The following SVIL variants were observed in gnomAD, a reference collection of about 807,000 sequenced individuals.
SVIL encodes the protein archvillin.
A neutral mutation model predicts 240.4 loss-of-function variants in SVIL; 101 were observed. The observed-to-expected ratio is 0.42, with a 90% confidence interval of 0.36 to 0.50. The LOEUF is 0.50. Among genes scored for constraint, SVIL ranks in the 20% least tolerant of loss-of-function variants. The pLI, the probability that SVIL is intolerant of heterozygous loss-of-function variation, is 0.01. For missense variants in SVIL, 2,512 were observed against 2,818.7 expected (o/e 0.89, Z 2.46); for synonymous variants, 999 against 1,100.0 (o/e 0.91, Z 1.82).
intron 1 of SVIL, among the ~76,000 whole-genome samples, chr10:29,624,521 G>A (rs1957791659): frequency 6.6e-6 from 1 of 152,180 alleles, no homozygotes; most frequent in African/African-American, 2.4e-5. Flanking sequence ...GACAGAGTGA[G>A]ACTTCGTCTC....
In SVIL at chr10:29,532,983, C is replaced by T. The variant is rs1314119441; in HGVS notation, c.1384G>A (p.Asp462Asn). Reference sequence around the variant, plus strand: ...TCTTCTGGGCTTCTCACTAGCCCATCACCCTCCAAAGCCAGTAGGGTTTTC... The same window carrying T: ...TCTTCTGGGCTTCTCACTAGCCCATTACCCTCCAAAGCCAGTAGGGTTTTC... Reference protein sequence around the residue: ...SKKTLLALEGDGLVRSPEDPS... With the variant: ...SKKTLLALEGNGLVRSPEDPS... Residue 462 changes from aspartate (D) to asparagine (N), a missense_variant, in exon 8 of 38, where the codon GAT becomes AAT. By Grantham distance (23) the Asp-to-Asn change is conservative. Transcript: ENST00000355867. 3.7e-6 allele frequency: 6 copies of T among 1,614,180 alleles called. No homozygotes were observed. In the South Asian group the frequency reaches 6.6e-5, roughly 18 times the overall value.
chr10:29,520,556 A>G (rs752069474), intron 16 of SVIL, among the ~76,000 whole-genome samples: 8 of 152,238 alleles, frequency 5.3e-5, no homozygotes, highest in Non-Finnish European at 8.8e-5. Flanking sequence ...TTAATTTGTC[A>G]GTTGAAAAAG....
intron 24 of SVIL, 111 bp downstream of exon 24, chr10:29,487,052 T>C: frequency 7.3e-7 from 1 of 1,371,308 alleles, no homozygotes; most frequent in Non-Finnish European, 9.8e-7. Flanking sequence ...CCTTCTCACT[T>C]GAATGCAACA....
intron 1 of SVIL, among the ~76,000 whole-genome samples, chr10:29,593,431 T>A (rs896955478): frequency 6.6e-6 from 1 of 152,140 alleles, no homozygotes; most frequent in African/African-American, 2.4e-5. Flanking sequence ...CATCTGCCCA[T>A]CAGGAAGATT....
In SVIL at chr10:29,550,998, C is replaced by G. The variant is rs756840046; in HGVS notation, c.426G>C (p.Glu142Asp). ...YLSRYTKSRK[E>D]PDAVEKRGGK... ...CTCCCCGCTTCTCGACAGCATCAGG[C>G]TCCTTCCTGGACTTGGTATAGCGGG... The change falls in exon 6 of 38, where the codon GAG (glutamate) becomes GAC (aspartate). Residue 142 changes from glutamate to aspartate, a missense_variant. Glu to Asp is a conservative substitution (Grantham distance 45, BLOSUM62 2). Coordinates refer to ENST00000355867, the MANE Select transcript of SVIL (RefSeq NM_021738.3). 1.2e-6 allele frequency: 2 copies of G among 1,614,180 alleles called. No homozygotes were observed. The highest frequency in any genetic ancestry group is 2.2e-5 in the South Asian group (2 of 91,082).
chr10:29,524,442 C>T (rs760015436), intron 14 of SVIL, 30 bp downstream of exon 14: 2 of 1,611,386 alleles, frequency 1.2e-6, no homozygotes, highest in East Asian at 4.5e-5. Context: ...CACACACACA[C>T]AAACTGCAAT....
intron 32 of SVIL, 121 bp downstream of exon 32, chr10:29,470,155 C>T (rs1945390363): frequency 1.1e-5 from 13 of 1,144,300 alleles, no homozygotes; most frequent in Non-Finnish European, 1.7e-5. Context: ...TCCCAGCCAT[C>T]CTTTGCTGCA....
chr10:29,586,740 G>A lies in SVIL; in HGVS notation c.-200-17428C>T, dbSNP rs531593406. 2.5e-4 allele frequency among the ~76,000 whole-genome samples: 38 copies of A among 152,308 alleles called. No homozygotes were observed. In the South Asian group the frequency reaches 4.1e-3, roughly 17 times the overall value. On this transcript the variant is annotated intron_variant, in intron 1 of 37. Coordinates refer to ENST00000355867, the MANE Select transcript of SVIL (RefSeq NM_021738.3). ...AAAGAACGAAACTATGTCCTCTGCA[G>A]GGACATGGATGAAGCAGGAGGCTAC...
At chr10:29,475,328 T>G (rs1408337109) in intron 29 of SVIL, 1 of 152,234 alleles carries the variant, frequency 6.6e-6, no homozygotes, top group African/African-American at 2.4e-5. Flanking sequence ...GCATTTTAGA[T>G]GTTACTACAG....
chr10:29,511,953 T>C (rs1405193638), intron 17 of SVIL, among the ~76,000 whole-genome samples: 1 of 152,232 alleles, frequency 6.6e-6, no homozygotes, highest in Non-Finnish European at 1.5e-5. Context: ...GTTGAAAGCA[T>C]TCTTTTTCTT....
At chr10:29,545,183 C>T (rs2132620027) in intron 6 of SVIL, 1 of 495,834 alleles carries the variant, frequency 2.0e-6, no homozygotes, top group Admixed American at 2.1e-5. Flanking sequence ...AGACTAAAAT[C>T]TCTCATCAGG....
chr10:29,478,339 C>T (rs1169673210), intron 29 of SVIL, among the ~76,000 whole-genome samples: 1 of 152,234 alleles, frequency 6.6e-6, no homozygotes, highest in Non-Finnish European at 1.5e-5. Flanking sequence ...AGTAATTACG[C>T]TGTTCCTGCT....
intron 1 of SVIL, among the ~76,000 whole-genome samples, chr10:29,573,986 G>A (rs528817320): frequency 2.1e-4 from 32 of 152,226 alleles, no homozygotes; most frequent in African/African-American, 6.3e-4. Context: ...GTGAGCCACC[G>A]CGCCCAGCCT....
chr10:29,539,622 CA>C (rs142970967), intron 6 of SVIL, among the ~76,000 whole-genome samples: 110 of 152,224 alleles, frequency 7.2e-4, no homozygotes, highest in Non-Finnish European at 1.3e-3. Context: ...TCACAGAATG[CA>C]GCCACTTCTG....
chr10:29,509,380 A>AGAGAGC, intron 17 of SVIL, among the ~76,000 whole-genome samples: 1 of 141,948 alleles, frequency 7.0e-6, no homozygotes, highest in Non-Finnish European at 1.5e-5. Flanking sequence ...AGAGAGAGAG[A>AGAGAGC]ATACCCAAAC....
chr10:29,616,672 C>T (rs1454322615), intron 1 of SVIL, among the ~76,000 whole-genome samples: 1 of 152,200 alleles, frequency 6.6e-6, no homozygotes, highest in African/African-American at 2.4e-5. Context: ...GCATAAACTT[C>T]CCTTTGTTCA....
At chr10:29,675,015 C>A (rs1158362471) in intron 2 of SVIL, among the ~76,000 whole-genome samples, 4 of 152,176 alleles carry the variant, frequency 2.6e-5, no homozygotes, top group African/African-American at 4.8e-5. Flanking sequence ...TGACTCGCAA[C>A]CTTAATTCCC....
intron 1 of SVIL, among the ~76,000 whole-genome samples, chr10:29,700,190 T>C (rs1456206193): frequency 2.6e-5 from 4 of 152,212 alleles, no homozygotes; most frequent in Non-Finnish European, 5.9e-5. Flanking sequence ...GTGGGAATGT[T>C]GAGACCCTAA....
At chr10:29,524,793 C>A in intron 13 of SVIL, 78 bp from the exon 14 acceptor site, 2 of 1,579,342 alleles carry the variant, frequency 1.3e-6, no homozygotes, top group Non-Finnish European at 1.7e-6. Flanking sequence ...TAACTTTCTG[C>A]CAAGTGTCAC....
Sources: allele counts gnomAD v4.1 joint callset (sites outside exome capture counted in the v4.1 genomes callset), GRCh38; gene constraint gnomAD v4.1.1; transcripts MANE v1.5; gene names NCBI Gene and HGNC (gene_info 2026-07-23, HGNC 2026-07-21).